Variants in RORA observed in about 807,000 individuals in gnomAD.
RORA encodes nuclear receptor ROR-alpha.
Under a neutral mutation model 69.5 loss-of-function variants are expected in RORA, and 7 were observed. The observed-to-expected ratio is 0.10, with a 90% CI of 0.06 to 0.19. The LOEUF (loss-of-function observed/expected upper bound fraction) is 0.19, where lower values mean the gene tolerates loss of function less well. Ranked by LOEUF, RORA falls within the 10% of genes least tolerant of loss-of-function variation. The probability of loss-of-function intolerance (pLI) is 1.00; values close to 1 mark genes in which losing one functional copy is unlikely to be tolerated. For synonymous variants in RORA, 261 were observed against 240.8 expected (o/e 1.08, Z -0.78); for missense variants, 457 against 663.0 (o/e 0.69, Z 3.41).
chr15:60,964,927 A>T lies in RORA; in HGVS notation c.166+264126T>A, dbSNP rs182262902. 1.3e-3 allele frequency among the ~76,000 whole-genome samples: 198 copies of T among 152,230 alleles called. 1 individual carries two copies. The highest frequency in any genetic ancestry group is 4.7e-3 in the African/African-American group (195 of 41,536). On this transcript the variant is annotated intron_variant, in intron 1 of 10. Coordinates refer to ENST00000335670, the MANE Select transcript of RORA (RefSeq NM_134261.3). ...AGTGGGTAAGGAGAGCTCTTGTTTG[A>T]GACTCTTGGGAACCATAAGTTGCAC...
At chr15:60,712,425 A>G (rs372891476) in intron 1 of RORA, among the ~76,000 whole-genome samples, 6 of 152,318 alleles carry the variant, frequency 3.9e-5, no homozygotes, top group African/African-American at 1.4e-4. Context: ...TCTCTGGTCA[A>G]CATAACCCAC....
intron 2 of RORA, among the ~76,000 whole-genome samples, chr15:60,576,292 C>T (rs2068024797): frequency 6.6e-6 from 1 of 152,196 alleles, no homozygotes; most frequent in Non-Finnish European, 1.5e-5. Context: ...GGGGCACCAA[C>T]TTCTCTCTTA....
rs60799050 is a variant in RORA, at chr15:60,670,201, CT to C, written c.196+8455del. ...AACCTTAATCTAGTATATCCTACCT[CT>C]TTTTTTTTTTTCTTTTTTTTTTTTT... On this transcript the variant is annotated intron_variant, in intron 2 of 10. Coordinates refer to ENST00000335670, the MANE Select transcript of RORA (RefSeq NM_134261.3). Among the ~76,000 whole-genome samples, 1,137 of 126,054 alleles carry C rather than the reference CT, an allele frequency of 9.0e-3. 5 individuals carry two copies. Among genetic ancestry groups the C allele is most frequent in the Middle Eastern group, 0.013 (3 of 240 alleles). The allele number at this position is 126,054 out of a possible 152,430, so 82.7% of individuals were successfully genotyped here. A position where few individuals can be genotyped will look rare whatever the true frequency, so the allele number is the denominator to read the frequency against.
At chr15:60,674,464 C>T (rs1377631042) in intron 2 of RORA, among the ~76,000 whole-genome samples, 1 of 152,258 alleles carries the variant, frequency 6.6e-6, no homozygotes, top group East Asian at 1.9e-4. Context: ...AGCCAAGTCT[C>T]TGGGGTGAAA....
intron 1 of RORA, among the ~76,000 whole-genome samples, chr15:60,921,159 G>A (rs930345508): frequency 2.6e-5 from 4 of 152,260 alleles, no homozygotes; most frequent in African/African-American, 9.6e-5. Context: ...CCTACCCCAT[G>A]CCCCTGCAAT....
chr15:61,002,160 A>G (rs1202830884), intron 1 of RORA, among the ~76,000 whole-genome samples: 1 of 152,240 alleles, frequency 6.6e-6, no homozygotes, highest in African/African-American at 2.4e-5. Context: ...GCATCTAGGA[A>G]GGAGGACTTA....
intron 1 of RORA, among the ~76,000 whole-genome samples, chr15:60,782,378 A>G (rs2140339854): frequency 6.6e-6 from 1 of 152,336 alleles, no homozygotes; most frequent in South Asian, 2.1e-4. Context: ...GTTAAAGTAC[A>G]CAACTGGAAA....
chr15:61,113,769 GT>G (rs1432810059), intron 1 of RORA, among the ~76,000 whole-genome samples: 1 of 152,138 alleles, frequency 6.6e-6, no homozygotes, highest in Non-Finnish European at 1.5e-5. Context: ...GGCACATTTG[GT>G]TTGGTCTGCT....
At chr15:60,555,590 G>A (rs1303464930) in intron 2 of RORA, among the ~76,000 whole-genome samples, 2 of 151,964 alleles carry the variant, frequency 1.3e-5, no homozygotes, top group African/African-American at 4.8e-5. Flanking sequence ...TTGGTACTAG[G>A]TTACTGTTTG....
intron 1 of RORA, among the ~76,000 whole-genome samples, chr15:60,924,723 A>G (rs917567258): frequency 1.3e-5 from 2 of 152,188 alleles, no homozygotes; most frequent in Admixed American, 1.3e-4. Context: ...ACTGTGAACT[A>G]TAACAACCAT....
At chr15:60,741,249 T>A (rs770099990) in intron 1 of RORA, among the ~76,000 whole-genome samples, 1 of 152,208 alleles carries the variant, frequency 6.6e-6, no homozygotes, top group Non-Finnish European at 1.5e-5. Context: ...GAGGACAGTG[T>A]CCTAAGGAAC....
At chr15:61,210,468 C>T (rs750954443) in intron 1 of RORA, among the ~76,000 whole-genome samples, 24 of 152,166 alleles carry the variant, frequency 1.6e-4, no homozygotes, top group Non-Finnish European at 2.9e-4. Flanking sequence ...AGGTTACCCC[C>T]ATACCTATTA....
At chr15:60,629,187 C>CTTTTTTTTTTTTTT (rs34687322) in intron 2 of RORA, among the ~76,000 whole-genome samples, 6 of 112,026 alleles carry the variant, frequency 5.4e-5, no homozygotes, top group African/African-American at 7.4e-5. Context: ...ACTGTTTATT[C>CTTTTTTTTTTTTTT]TTTTTTTTTT....
intron 1 of RORA, among the ~76,000 whole-genome samples, chr15:60,936,217 G>A (rs1253282009): frequency 6.6e-6 from 1 of 152,216 alleles, no homozygotes; most frequent in Non-Finnish European, 1.5e-5. Flanking sequence ...TTAGTAAAAG[G>A]AAGACCCATC....
At chr15:61,028,396 C>T (rs1461498683) in intron 1 of RORA, among the ~76,000 whole-genome samples, 4 of 152,120 alleles carry the variant, frequency 2.6e-5, no homozygotes, top group Non-Finnish European at 5.9e-5. Flanking sequence ...CAGAAACAAT[C>T]TGGTTTTAAT....
intron 1 of RORA, among the ~76,000 whole-genome samples, chr15:60,912,786 A>C (rs369169601): frequency 9.1e-4 from 98 of 107,930 alleles, no homozygotes; most frequent in African/African-American, 1.6e-3. Context: ...AAACAAAACA[A>C]AACACAACAA....
intron 1 of RORA, among the ~76,000 whole-genome samples, chr15:61,045,559 G>A (rs1354566283): frequency 1.3e-5 from 2 of 152,182 alleles, no homozygotes; most frequent in African/African-American, 4.8e-5. Context: ...CACCCAAGCT[G>A]CATAGCACTG....
At chr15:60,614,438 T>C (rs2069175686) in intron 2 of RORA, among the ~76,000 whole-genome samples, 1 of 152,090 alleles carries the variant, frequency 6.6e-6, no homozygotes, top group East Asian at 1.9e-4. Context: ...AAGGTTCTAG[T>C]TGTGTAGGAA....
chr15:60,557,821 A>G (rs2067411720), intron 2 of RORA, among the ~76,000 whole-genome samples: 1 of 152,230 alleles, frequency 6.6e-6, no homozygotes, highest in East Asian at 1.9e-4. Flanking sequence ...GGATAGCTGA[A>G]TATCCAAATA....
Sources: gnomAD v4.1 joint callset for allele counts (sites outside exome capture counted in the v4.1 genomes callset) on GRCh38, gnomAD v4.1.1 for gene constraint, MANE v1.5 for transcripts, NCBI Gene and HGNC (gene_info 2026-07-23, HGNC 2026-07-21) for gene names.